TSNARE1: variants seen among roughly 807,000 people sequenced by gnomAD.
The protein encoded by TSNARE1 is t-SNARE domain containing 1.
Under a neutral mutation model 62.0 loss-of-function variants are expected in TSNARE1, and 49 were observed. The ratio of observed to expected loss-of-function variants is 0.79; its 90% CI spans 0.63 to 1.00. The LOEUF is 1.00. Ranked by LOEUF, TSNARE1 falls within the 50% of genes least tolerant of loss-of-function variation. The probability of loss-of-function intolerance (pLI) is 0.00; values close to 1 mark genes in which losing one functional copy is unlikely to be tolerated. For missense variants in TSNARE1, 755 were observed against 700.1 expected, an observed-to-expected ratio of 1.08 and a Z score of -0.88; for synonymous variants, 328 against 294.4, an observed-to-expected ratio of 1.11 and a Z score of -1.17.
At chr8:142,260,335 G>A (rs1011804083) in intron 12 of TSNARE1, among the ~76,000 whole-genome samples, 1 of 152,150 alleles carries the variant, frequency 6.6e-6, no homozygotes, top group African/African-American at 2.4e-5. Flanking sequence ...GGGAAGGAGG[G>A]AAGAAAAGCG....
At chr8:142,394,968 T>A (rs1035147992) in intron 1 of TSNARE1, among the ~76,000 whole-genome samples, 10 of 152,122 alleles carry the variant, frequency 6.6e-5, no homozygotes, top group Non-Finnish European at 1.5e-4. Context: ...CCGGTCTCCC[T>A]TCCGTAAGAT....
At chr8:142,379,065 G>A (rs1836539653) in intron 1 of TSNARE1, among the ~76,000 whole-genome samples, 1 of 152,206 alleles carries the variant, frequency 6.6e-6, no homozygotes, top group African/African-American at 2.4e-5. Context: ...TCCCTTTGCA[G>A]AGGACTCTCA....
intron 12 of TSNARE1, among the ~76,000 whole-genome samples, chr8:142,244,051 T>C (rs1189272726): frequency 6.6e-6 from 1 of 152,134 alleles, no homozygotes; most frequent in Non-Finnish European, 1.5e-5. Context: ...CCGGGCGTGG[T>C]GGCAGGCGCC....
At chr8:142,245,581 G>T (rs1362786726) in intron 12 of TSNARE1, among the ~76,000 whole-genome samples, 2 of 152,168 alleles carry the variant, frequency 1.3e-5, no homozygotes, top group Non-Finnish European at 2.9e-5. Flanking sequence ...TAATAGTATG[G>T]CTCAATTTTT....
intron 1 of TSNARE1, among the ~76,000 whole-genome samples, chr8:142,391,126 T>G (rs866561867): frequency 8.2e-5 from 10 of 121,434 alleles, no homozygotes; most frequent in African/African-American, 2.3e-4. Context: ...TGTACACTGC[T>G]GGGGACTCTG....
intron 12 of TSNARE1, chr8:142,273,355 G>A (rs1053359142): frequency 4.1e-6 from 4 of 985,236 alleles, no homozygotes; most frequent in East Asian, 1.1e-4. Flanking sequence ...AGTTTCCAGC[G>A]AGTCCACCTT....
intron 13 of TSNARE1, among the ~76,000 whole-genome samples, chr8:142,217,681 T>C (rs1324773540): frequency 6.6e-6 from 1 of 152,238 alleles, no homozygotes; most frequent in African/African-American, 2.4e-5. Flanking sequence ...GGCTAGTCCA[T>C]AGCCAGGTTT....
chr8:142,230,594 G>C (rs1817054999), intron 12 of TSNARE1, among the ~76,000 whole-genome samples: 3 of 152,138 alleles, frequency 2.0e-5, no homozygotes, highest in Admixed American at 6.5e-5. Context: ...GGGGAGGGTA[G>C]AGAAGGGAGG....
chr8:142,394,830 G>A (rs1173225384), intron 1 of TSNARE1, among the ~76,000 whole-genome samples: 2 of 152,184 alleles, frequency 1.3e-5, no homozygotes, highest in Non-Finnish European at 2.9e-5. Context: ...ACGTCCCTGT[G>A]TGCCCTGCCA....
chr8:142,311,548 C>T (rs1364500444), intron 9 of TSNARE1, among the ~76,000 whole-genome samples: 7 of 152,022 alleles, frequency 4.6e-5, no homozygotes, highest in African/African-American at 1.7e-4. Context: ...CCACCCACCT[C>T]GGCCTCCCAA....
At chr8:142,213,720 A>T (rs1815687298) in intron 13 of TSNARE1, among the ~76,000 whole-genome samples, 1 of 152,150 alleles carries the variant, frequency 6.6e-6, no homozygotes, top group Admixed American at 6.5e-5. Context: ...CACAGGAAGC[A>T]GGGAGGCGAG....
At chr8:142,395,466 A>G (rs1837831674) in intron 1 of TSNARE1, among the ~76,000 whole-genome samples, 1 of 152,158 alleles carries the variant, frequency 6.6e-6, no homozygotes, top group African/African-American at 2.4e-5. Context: ...GGCTGCAGGC[A>G]GCCTGCGGAG....
chr8:142,297,409 G>A (rs931961704), intron 10 of TSNARE1, among the ~76,000 whole-genome samples: 1 of 152,248 alleles, frequency 6.6e-6, no homozygotes, highest in Non-Finnish European at 1.5e-5. Flanking sequence ...TGGCCCGTGT[G>A]TTCACACCCC....
intron 13 of TSNARE1, among the ~76,000 whole-genome samples, chr8:142,214,638 C>T (rs567399796): frequency 2.0e-5 from 3 of 152,182 alleles, no homozygotes; most frequent in Admixed American, 6.5e-5. Flanking sequence ...GCCCCTGCTA[C>T]GGTCTGAGTG....
chr8:142,282,444 T>C (rs1015110117), intron 11 of TSNARE1, among the ~76,000 whole-genome samples: 14 of 151,596 alleles, frequency 9.2e-5, no homozygotes, highest in African/African-American at 3.1e-4. Flanking sequence ...CAGGGGCCAG[T>C]GTCTATCAAT....
Position 142,318,640 on chromosome 8 carries a change from GGCCGAGAAGGA to G in TSNARE1, c.894-17_894-7del, listed in dbSNP as rs1563903667. 3.7e-6 allele frequency: 6 copies of G among 1,613,554 alleles called. No individual in the cohort carries two copies. Among genetic ancestry groups the G allele is most frequent in the Non-Finnish European group, 5.1e-6 (6 of 1,179,962 alleles). On this transcript the variant is annotated splice_polypyrimidine_tract_variant and splice_region_variant and intron_variant, in intron 6 of 13. Transcript: ENST00000524325. Reference sequence around the variant, plus strand: ...TCTCCTGCTGTGCCGTGTGCCTGGGGGCCGAGAAGGAGCCAGGAGCGAAGGCAGGGGAGGAA... The same window carrying G: ...TCTCCTGCTGTGCCGTGTGCCTGGGGGCCAGGAGCGAAGGCAGGGGAGGAA...
chr8:142,220,695 G>A (rs1395191279), intron 13 of TSNARE1, among the ~76,000 whole-genome samples: 1 of 152,236 alleles, frequency 6.6e-6, no homozygotes, highest in African/African-American at 2.4e-5. Context: ...AAAGGCAGCA[G>A]GCACTGAACT....
chr8:142,213,906 T>C (rs1211461477), intron 13 of TSNARE1, among the ~76,000 whole-genome samples: 1 of 151,906 alleles, frequency 6.6e-6, no homozygotes, highest in Non-Finnish European at 1.5e-5. Flanking sequence ...CCCTGGCCTT[T>C]CCAGGATTCT....
At position 142,229,478 on chromosome 8, in the gene TSNARE1, G is replaced by A. The variant is rs376616669; in HGVS notation, c.*6C>T. ...CGGGTAGGTGGGGTACTCACCACGG[G>A]TAGCATCACTTTCGGACAGAGGTGG... On this transcript the variant is annotated 3_prime_UTR_variant, in exon 13 of 14. Transcript: ENST00000524325. 11 of 1,613,716 alleles carry A rather than the reference G, an allele frequency of 6.8e-6. No individual in the cohort carries two copies. Among genetic ancestry groups the A allele is most frequent in the Non-Finnish European group, 6.8e-6 (8 of 1,179,742 alleles).
Sources: gnomAD v4.1 joint callset for allele counts (sites outside exome capture counted in the v4.1 genomes callset) on GRCh38, gnomAD v4.1.1 for gene constraint, MANE v1.5 for transcripts, NCBI Gene and HGNC (gene_info 2026-07-23, HGNC 2026-07-21) for gene names.